The following REG4 variants were observed in gnomAD, a reference collection of about 807,000 sequenced individuals.
The protein encoded by REG4 is regenerating islet-derived protein 4.
A neutral mutation model predicts 22.3 loss-of-function variants in REG4; 16 were observed. The observed-to-expected ratio is 0.72, with a 90% CI of 0.49 to 1.09. The LOEUF (loss-of-function observed/expected upper bound fraction) is 1.09, where lower values mean the gene tolerates loss of function less well. Ranked by LOEUF, REG4 falls within the 50% of genes least tolerant of loss-of-function variation. The probability of loss-of-function intolerance (pLI) is 0.00; values close to 1 mark genes in which losing one functional copy is unlikely to be tolerated. For missense variants in REG4, 214 were observed against 193.9 expected (o/e 1.10, Z -0.61); for synonymous variants, 71 against 69.2 (o/e 1.03, Z -0.13).
chr1:119,809,642 A>G (rs192646834), intron 1 of REG4, among the ~76,000 whole-genome samples: 3 of 152,300 alleles, frequency 2.0e-5, no homozygotes, highest in Non-Finnish European at 4.4e-5. Context: ...TAATTGTAAT[A>G]CATTGTCTTG....
chr1:119,798,371 G>A (rs587709539), intron 5 of REG4, 126 bp downstream of exon 5: 3 of 729,144 alleles, frequency 4.1e-6, no homozygotes, highest in Admixed American at 1.9e-5. Flanking sequence ...CTGCCTTGCT[G>A]GAGAAAAGAG....
At chr1:119,810,497 C>T (rs757964959) in intron 1 of REG4, among the ~76,000 whole-genome samples, 2 of 152,172 alleles carry the variant, frequency 1.3e-5, no homozygotes, top group Non-Finnish European at 2.9e-5. Context: ...GAGAATGAGA[C>T]AAAGCTTGGA....
chr1:119,806,856 C>T (rs1286582671), intron 2 of REG4, among the ~76,000 whole-genome samples: 2 of 152,210 alleles, frequency 1.3e-5, no homozygotes, highest in Non-Finnish European at 2.9e-5. Flanking sequence ...TCTCTTTCAG[C>T]TTTACTTTTC....
intron 2 of REG4, 71 bp from the exon 3 acceptor site, chr1:119,803,236 T>G: frequency 6.9e-7 from 1 of 1,441,624 alleles, no homozygotes; most frequent in East Asian, 2.5e-5. Context: ...TGATACAGTT[T>G]GCAATCAGGA....
intron 2 of REG4, among the ~76,000 whole-genome samples, chr1:119,805,940 T>C (rs1441671243): frequency 2.0e-5 from 3 of 152,136 alleles, no homozygotes; most frequent in Non-Finnish European, 4.4e-5. Context: ...TGCTGCGCTA[T>C]GGCTCTGCCT....
intron 2 of REG4, 98 bp from the exon 3 acceptor site, chr1:119,803,263 G>C (rs1010739745): frequency 1.5e-6 from 2 of 1,290,980 alleles, no homozygotes; most frequent in East Asian, 2.6e-5. Context: ...TGAATGAAGA[G>C]AGTCCCTTCA....
In REG4 at chr1:119,798,609, C is replaced by A; in HGVS notation, c.304-7G>T. On this transcript the variant is annotated splice_region_variant and splice_polypyrimidine_tract_variant and intron_variant, in intron 4 of 5. Coordinates refer to ENST00000256585, the MANE Select transcript of REG4 (RefSeq NM_032044.4). ...TCCACTGCCACTGCTGCCTCTGCAA[C>A]AACAGGAGATGGAGAAGTGTACAGC... 6.2e-7 allele frequency: 1 copy of A among 1,612,864 alleles called. No individual in the cohort carries two copies. Among genetic ancestry groups the A allele is most frequent in the South Asian group, 1.1e-5 (1 of 91,066 alleles).
At chr1:119,807,300 G>T (rs760868496) in intron 2 of REG4, among the ~76,000 whole-genome samples, 3 of 152,214 alleles carry the variant, frequency 2.0e-5, no homozygotes, top group Admixed American at 6.5e-5. Flanking sequence ...CATAAGGGAG[G>T]TTCCCCCAAG....
At chr1:119,797,595 G>A (rs1653971186) in intron 5 of REG4, among the ~76,000 whole-genome samples, 1 of 152,168 alleles carries the variant, frequency 6.6e-6, no homozygotes, top group Non-Finnish European at 1.5e-5. Context: ...TCACTATGAT[G>A]GCCTATTAGA....
chr1:119,811,052 AAAAAAC>A (rs879454324), intron 1 of REG4, among the ~76,000 whole-genome samples: 13 of 152,126 alleles, frequency 8.5e-5, no homozygotes, highest in Non-Finnish European at 1.5e-4. Context: ...AGACTCCATA[AAAAAAC>A]AAAAACAAAA....
At chr1:119,801,212 GT>G (rs1654087951) in intron 3 of REG4, 1 of 152,112 alleles carries the variant, frequency 6.6e-6, no homozygotes, top group African/African-American at 2.4e-5. Flanking sequence ...CTCTTCTGGG[GT>G]TGTGTTACAT....
intron 1 of REG4, 111 bp from the exon 2 acceptor site, chr1:119,808,974 G>A (rs1571073889): frequency 5.9e-6 from 3 of 508,392 alleles, no homozygotes; most frequent in African/African-American, 4.0e-5. Context: ...TTATAATGAA[G>A]GGAATCTCAA....
At chr1:119,795,978 A>G (rs1196042851) in intron 5 of REG4, among the ~76,000 whole-genome samples, 1 of 152,248 alleles carries the variant, frequency 6.6e-6, no homozygotes, top group African/African-American at 2.4e-5. Context: ...CACTATAGGC[A>G]CTAAGCAAGA....
chr1:119,799,937 G>A, intron 3 of REG4, 75 bp from the exon 4 acceptor site: 1 of 1,563,316 alleles, frequency 6.4e-7, no homozygotes, highest in Non-Finnish European at 8.7e-7. Flanking sequence ...ACGCTAGCGT[G>A]CCAAGAAGGA....
chr1:119,805,919 A>T lies in REG4; in HGVS notation c.68-2754T>A, dbSNP rs112593702. Among the ~76,000 whole-genome samples, 329 of 151,834 alleles carry T rather than the reference A, an allele frequency of 2.2e-3. 1 individual carries two copies. Among genetic ancestry groups the T allele is most frequent in the Non-Finnish European group, 3.8e-3 (256 of 67,940 alleles). ...CATTTTAGCTCCTAGATATGCAACC[A>T]ACGGCCGCTCTGCTGCGCTATGGCT... On this transcript the variant is annotated intron_variant, in intron 2 of 5. Coordinates refer to ENST00000256585, the MANE Select transcript of REG4 (RefSeq NM_032044.4).
At chr1:119,808,922 T>C (rs1557764780) in intron 1 of REG4, 59 bp from the exon 2 acceptor site, 3 of 544,962 alleles carry the variant, frequency 5.5e-6, no homozygotes, top group Non-Finnish European at 6.5e-6. Flanking sequence ...CTAATACATA[T>C]GGAGGAAAAT....
Position 119,803,182 on chromosome 1 carries a change from G to T in REG4, c.68-17C>A. 1 of 1,503,632 alleles carries T rather than the reference G, an allele frequency of 6.7e-7. No individual in the cohort carries two copies. The highest frequency in any genetic ancestry group is 8.9e-7 in the Non-Finnish European group (1 of 1,126,858). The allele number at this position is 1,503,632 out of a possible 1,614,324, so 93.1% of individuals were successfully genotyped here. A position where few individuals can be genotyped will look rare whatever the true frequency, so the allele number is the denominator to read the frequency against. The stretch of plus-strand genomic sequence containing the variant: ...TGATGATATCTGCACATAAACAAAA[G>T]GCAATTGCACATTATGATAGCAAAA... On this transcript the variant is annotated splice_polypyrimidine_tract_variant and intron_variant, in intron 2 of 5. Transcript: ENST00000256585.
chr1:119,795,041 T>C (rs776932849), intron 5 of REG4, among the ~76,000 whole-genome samples: 1 of 152,196 alleles, frequency 6.6e-6, no homozygotes, highest in Non-Finnish European at 1.5e-5. Context: ...CCTGCAAGAA[T>C]TTCCAGGCTG....
chr1:119,808,519 T>C (rs746144663), intron 2 of REG4, among the ~76,000 whole-genome samples, 184 bp downstream of exon 2: 2 of 152,188 alleles, frequency 1.3e-5, no homozygotes, highest in Non-Finnish European at 2.9e-5. Context: ...TCATATGGAA[T>C]TGAGTTTTGT....
Sources: allele counts gnomAD v4.1 joint callset (sites outside exome capture counted in the v4.1 genomes callset), GRCh38; gene constraint gnomAD v4.1.1; transcripts MANE v1.5; gene names NCBI Gene and HGNC (gene_info 2026-07-23, HGNC 2026-07-21).